Variants in AGBL1 observed in about 807,000 individuals in gnomAD.
AGBL1 encodes cytosolic carboxypeptidase 4.
Under a neutral mutation model 118.9 loss-of-function variants are expected in AGBL1, and 130 were observed. The observed-to-expected ratio is 1.09, with a 90% confidence interval of 0.95 to 1.26. AGBL1 has a LOEUF of 1.26. Ranked by LOEUF, AGBL1 falls within the 50% of genes most tolerant of loss-of-function variation. The pLI is 0.00. For synonymous variants in AGBL1, 555 were observed against 478.9 expected (o/e 1.16, Z -2.08); for missense variants, 1,584 against 1,298.1 (o/e 1.22, Z -3.38).
chr15:86,273,123 A>T (rs1379009370), intron 15 of AGBL1, among the ~76,000 whole-genome samples: 5 of 147,776 alleles, frequency 3.4e-5, no homozygotes, highest in African/African-American at 1.3e-4. Context: ...GGACAAACAT[A>T]ACATTTCCTA....
chr15:86,752,948 G>A (rs2077877603), intron 22 of AGBL1, among the ~76,000 whole-genome samples: 1 of 152,052 alleles, frequency 6.6e-6, no homozygotes, highest in East Asian at 1.9e-4. Flanking sequence ...CCTTGGTACA[G>A]AATAACCAGT....
intron 22 of AGBL1, among the ~76,000 whole-genome samples, chr15:86,838,966 A>AAAAG (rs3059680): frequency 6.9e-6 from 1 of 145,352 alleles, no homozygotes; most frequent in East Asian, 2.0e-4. Flanking sequence ...AAAAAAAAAA[A>AAAAG]GAAAGAAATG....
At chr15:86,616,006 A>C (rs2084716092) in intron 21 of AGBL1, among the ~76,000 whole-genome samples, 1 of 152,128 alleles carries the variant, frequency 6.6e-6, no homozygotes, top group African/African-American at 2.4e-5. Context: ...GGGCAGGGAG[A>C]TTAAGCTGAT....
intron 5 of AGBL1, among the ~76,000 whole-genome samples, chr15:86,194,125 G>C (rs909679287): frequency 6.6e-6 from 1 of 152,114 alleles, no homozygotes. Context: ...TTTTGTTCTC[G>C]TTCTGCTCTG....
rs1193777125 is a variant in AGBL1 at position 86,827,396 on chromosome 15, T to C, written c.3159-79691T>C. Among the ~76,000 whole-genome samples, 7 of 8,766 alleles carry C rather than the reference T, an allele frequency of 8.0e-4. 2 individuals are homozygous for C. The highest frequency in any genetic ancestry group is 4.5e-3 in the South Asian group (1 of 222). The allele number at this position is 8,766 out of a possible 152,430, so 5.8% of individuals were successfully genotyped here. A position where few individuals can be genotyped will look rare whatever the true frequency, so the allele number is the denominator to read the frequency against. ...ATATATATATATACACATATATATA[T>C]ACATATATATATGTGTATATATATA... On this transcript the variant is annotated intron_variant, in intron 22 of 22. Coordinates refer to ENST00000614907, the MANE Select transcript of AGBL1 (RefSeq NM_001386094.1).
intron 22 of AGBL1, among the ~76,000 whole-genome samples, chr15:86,720,512 G>A (rs536341441): frequency 3.3e-5 from 5 of 152,226 alleles, no homozygotes; most frequent in South Asian, 2.1e-4. Context: ...AATTTACTTC[G>A]CTGCCAATGG....
intron 5 of AGBL1, among the ~76,000 whole-genome samples, chr15:86,197,187 G>A (rs1228541989): frequency 6.6e-6 from 1 of 152,184 alleles, no homozygotes; most frequent in Non-Finnish European, 1.5e-5. Flanking sequence ...GGTGGAGGCT[G>A]GAGGAGTTTT....
chr15:87,010,447 C>G (rs1314796148), intron 24 of AGBL1, among the ~76,000 whole-genome samples: 1 of 152,144 alleles, frequency 6.6e-6, no homozygotes, highest in East Asian at 1.9e-4. Context: ...GACTAATACA[C>G]CACCCAACAT....
intron 22 of AGBL1, among the ~76,000 whole-genome samples, chr15:86,864,492 C>T (rs921586259): frequency 6.6e-6 from 1 of 152,094 alleles, no homozygotes; most frequent in Non-Finnish European, 1.5e-5. Flanking sequence ...AATGGATATG[C>T]AGAGTTGAAG....
At chr15:86,889,765 T>A (rs183527264) in intron 22 of AGBL1, among the ~76,000 whole-genome samples, 126 of 152,348 alleles carry the variant, frequency 8.3e-4, no homozygotes, top group African/African-American at 2.9e-3. Context: ...ATGGTGTACG[T>A]GTACCACATT....
chr15:86,538,864 C>G (rs2083458419), intron 19 of AGBL1, among the ~76,000 whole-genome samples: 1 of 152,104 alleles, frequency 6.6e-6, no homozygotes, highest in South Asian at 2.1e-4. Flanking sequence ...GAGAGGGTAA[C>G]CTCTTGAACA....
chr15:86,599,081 C>T (rs936461406), intron 21 of AGBL1, among the ~76,000 whole-genome samples: 5 of 152,136 alleles, frequency 3.3e-5, no homozygotes, highest in South Asian at 2.1e-4. Flanking sequence ...TCTTGTGAGA[C>T]GTTGATAATC....
chr15:86,348,780 GAA>G (rs60441568), intron 17 of AGBL1, among the ~76,000 whole-genome samples: 37,094 of 127,926 alleles, frequency 0.29, 5,574 homozygotes, highest in African/African-American at 0.44. Flanking sequence ...TGTCTCAAAA[GAA>G]AAAAAAAAAA....
chr15:86,219,918 G>C (rs948531677), intron 5 of AGBL1, among the ~76,000 whole-genome samples: 10 of 149,016 alleles, frequency 6.7e-5, no homozygotes, highest in African/African-American at 2.5e-4. Context: ...AATTCACCCA[G>C]AGGTAGACTT....
intron 17 of AGBL1, among the ~76,000 whole-genome samples, chr15:86,380,323 C>T (rs55645405): frequency 0.6 from 87,788 of 145,466 alleles, 29,428 homozygotes; most frequent in East Asian, 0.93. Context: ...CCCACTGTGT[C>T]GCCCAGGCTG....
At chr15:86,130,155 C>G (rs1000312313) in intron 1 of AGBL1, among the ~76,000 whole-genome samples, 5 of 152,068 alleles carry the variant, frequency 3.3e-5, no homozygotes, top group African/African-American at 9.7e-5. Context: ...TGAGGGACAC[C>G]TTTAGAAGAG....
chr15:86,516,753 A>T (rs914569812), intron 18 of AGBL1, among the ~76,000 whole-genome samples: 5 of 144,086 alleles, frequency 3.5e-5, no homozygotes, highest in African/African-American at 7.6e-5. Context: ...GTGAGCCGGG[A>T]TGGTGCTCTA....
At chr15:86,927,335 G>A (rs1293782301) in intron 23 of AGBL1, among the ~76,000 whole-genome samples, 1 of 151,400 alleles carries the variant, frequency 6.6e-6, no homozygotes, top group East Asian at 2.0e-4. Context: ...GTTCCTGGAA[G>A]CCCAGCACTT....
intron 21 of AGBL1, among the ~76,000 whole-genome samples, chr15:86,621,423 C>T (rs2084802281): frequency 6.6e-6 from 1 of 152,158 alleles, no homozygotes; most frequent in Non-Finnish European, 1.5e-5. Context: ...GGCAGGAGTC[C>T]CATTCCACAT....
Sources: gnomAD v4.1 joint callset for allele counts (sites outside exome capture counted in the v4.1 genomes callset) on GRCh38, gnomAD v4.1.1 for gene constraint, MANE v1.5 for transcripts, NCBI Gene and HGNC (gene_info 2026-07-23, HGNC 2026-07-21) for gene names.